Variants in DGKG observed in about 807,000 individuals in gnomAD.
DGKG encodes the protein DAG kinase gamma.
DGKG carries 78 observed loss-of-function variants against 105.3 expected under a neutral mutation model. The observed-to-expected ratio is 0.74, with a 90% CI of 0.62 to 0.89. The LOEUF (loss-of-function observed/expected upper bound fraction) is 0.89, where lower values mean the gene tolerates loss of function less well. DGKG is among the 40% of genes least tolerant of loss of function. The pLI, the probability that DGKG is intolerant of heterozygous loss-of-function variation, is 0.00. For missense variants in DGKG, 958 were observed against 1,020.1 expected (o/e 0.94, Z 0.83); for synonymous variants, 346 against 367.1 (o/e 0.94, Z 0.66).
At position 186,201,627 on chromosome 3, in the gene DGKG, C is replaced by T. The variant is rs185012753; in HGVS notation, c.1917+10168G>A. 1.4e-4 allele frequency among the ~76,000 whole-genome samples: 22 copies of T among 152,304 alleles called. 1 individual carries two copies. Among genetic ancestry groups the T allele is most frequent in the Admixed American group, 1.0e-3 (16 of 15,302 alleles). The stretch of plus-strand genomic sequence containing the variant: ...CGCAGTTAGGAGAAGGCATGAGTGC[C>T]AGCCATCTTCCCCTTTGTGTTACAA... On this transcript the variant is annotated intron_variant, in intron 21 of 24. Transcript: ENST00000265022.
At position 186,149,857 on chromosome 3, in the gene DGKG, C is replaced by T; in HGVS notation, c.*233G>A. ...GCCACAACCTCATGGGCCCTAAGTC[C>T]ATTCAAAATGTTTTGTTGGCACTGG... On this transcript the variant is annotated 3_prime_UTR_variant, in exon 25 of 25. Coordinates refer to ENST00000265022, the MANE Select transcript of DGKG (RefSeq NM_001346.3). 1 of 1,295,612 alleles carries T rather than the reference C, an allele frequency of 7.7e-7. No individual in the cohort carries two copies. Among genetic ancestry groups the T allele is most frequent in the Non-Finnish European group, 9.8e-7 (1 of 1,021,288 alleles). 80.3% of individuals were successfully genotyped at this position (1,295,612 alleles called of 1,614,324 possible).
intron 19 of DGKG, among the ~76,000 whole-genome samples, chr3:186,245,903 AAAAC>A (rs199637925): frequency 0.039 from 5,898 of 150,526 alleles, 126 homozygotes; most frequent in African/African-American, 0.046. Context: ...GTAAAAACAA[AAAAC>A]AAACAAACAA....
intron 3 of DGKG, among the ~76,000 whole-genome samples, chr3:186,306,039 T>G (rs1425555244): frequency 6.6e-6 from 1 of 152,192 alleles, no homozygotes; most frequent in African/African-American, 2.4e-5. Flanking sequence ...GGAGGATGAC[T>G]TGACCAACCG....
At position 186,203,506 on chromosome 3, in the gene DGKG, C is replaced by T. The variant is rs1465389263; in HGVS notation, c.1917+8289G>A. ...CATATTAGGAGTAGCGGAAAGAAACCGATTAGGAGGAAGCAGAAAGAAACC... is the reference window on the plus strand; with the variant it reads ...CATATTAGGAGTAGCGGAAAGAAACTGATTAGGAGGAAGCAGAAAGAAACC... On this transcript the variant is annotated intron_variant, in intron 21 of 24. Coordinates refer to ENST00000265022, the MANE Select transcript of DGKG (RefSeq NM_001346.3). This position sits in a 1 kb window ranked among gnomAD's most constrained non-coding sequence, Gnocchi z 4.9. Among the ~76,000 whole-genome samples the T allele has an allele frequency of 2.0e-5, 3 of 152,030 alleles. No individual in the cohort carries two copies. The highest frequency in any genetic ancestry group is 2.9e-5 in the Non-Finnish European group (2 of 68,024).
chr3:186,235,012 T>C (rs899064101), intron 20 of DGKG, among the ~76,000 whole-genome samples: 2 of 152,218 alleles, frequency 1.3e-5, no homozygotes, highest in Non-Finnish European at 2.9e-5. Flanking sequence ...CCTGGACTTC[T>C]GCATTTGTGT....
chr3:186,296,121 A>G (rs1378353333), intron 5 of DGKG, among the ~76,000 whole-genome samples: 1 of 152,148 alleles, frequency 6.6e-6, no homozygotes, highest in Admixed American at 6.5e-5. Context: ...ACAAAAAAAA[A>G]AAAAAGAAAA....
At chr3:186,205,766 A>C (rs1718702318) in intron 21 of DGKG, among the ~76,000 whole-genome samples, 1 of 152,162 alleles carries the variant, frequency 6.6e-6, no homozygotes, top group Non-Finnish European at 1.5e-5. Context: ...GTTGAAGTAA[A>C]TAAGACAAAA....
chr3:186,169,898 A>G (rs552566697), intron 22 of DGKG, among the ~76,000 whole-genome samples: 1 of 152,356 alleles, frequency 6.6e-6, no homozygotes, highest in African/African-American at 2.4e-5. Context: ...TGAATAGGAA[A>G]GGAGATGGAC....
intron 13 of DGKG, 164 bp downstream of exon 13, chr3:186,267,521 G>A: frequency 1.7e-6 from 1 of 596,906 alleles, no homozygotes; most frequent in South Asian, 2.0e-5. Flanking sequence ...ACCCTCCCAT[G>A]TACTCTCTAA....
intron 1 of DGKG, among the ~76,000 whole-genome samples, chr3:186,360,460 T>C (rs1242561884): frequency 6.6e-6 from 1 of 152,164 alleles, no homozygotes; most frequent in African/African-American, 2.4e-5. Context: ...GCAGCCGTTT[T>C]ATTTAAGGAG....
At chr3:186,312,966 C>A (rs749518921) in intron 2 of DGKG, among the ~76,000 whole-genome samples, 4 of 152,174 alleles carry the variant, frequency 2.6e-5, no homozygotes, top group Admixed American at 1.3e-4. Flanking sequence ...CAGCATGCAG[C>A]CCATTGCCTG....
At chr3:186,181,002 G>A (rs181741088) in intron 22 of DGKG, among the ~76,000 whole-genome samples, 11 of 152,354 alleles carry the variant, frequency 7.2e-5, no homozygotes, top group African/African-American at 2.2e-4. Context: ...TGCCTGAAGA[G>A]TGCTTGTGCC....
At chr3:186,219,203 G>A (rs1719447865) in intron 20 of DGKG, among the ~76,000 whole-genome samples, 1 of 151,472 alleles carries the variant, frequency 6.6e-6, no homozygotes, top group African/African-American at 2.4e-5. Flanking sequence ...TCTGCTCTGA[G>A]GCCAGGATGT....
At chr3:186,327,124 A>G (rs2108647082) in intron 1 of DGKG, among the ~76,000 whole-genome samples, 1 of 152,318 alleles carries the variant, frequency 6.6e-6, no homozygotes, top group South Asian at 2.1e-4. Flanking sequence ...TAATTGCACC[A>G]TTGCACTCCA....
intron 1 of DGKG, among the ~76,000 whole-genome samples, chr3:186,354,911 A>G (rs1726835429): frequency 1.3e-5 from 2 of 152,076 alleles, no homozygotes; most frequent in African/African-American, 4.8e-5. Flanking sequence ...TCTCAGGATG[A>G]AGGCTTAGAA....
chr3:186,197,654 G>T (rs186210602), intron 21 of DGKG, among the ~76,000 whole-genome samples: 47 of 152,280 alleles, frequency 3.1e-4, no homozygotes, highest in Non-Finnish European at 1.5e-4. Context: ...GTGAAGGCTG[G>T]ATGCCGTAGG....
At chr3:186,306,843 T>C in intron 3 of DGKG, 58 bp downstream of exon 3, 1 of 1,235,612 alleles carries the variant, frequency 8.1e-7, no homozygotes. Context: ...GGAAACAAAT[T>C]ATGGAAAGGC....
intron 5 of DGKG, among the ~76,000 whole-genome samples, chr3:186,290,237 G>A (rs1382767987): frequency 6.6e-6 from 1 of 152,184 alleles, no homozygotes; most frequent in South Asian, 2.1e-4. Context: ...GGTTTGGCAA[G>A]TAGAGATGAA....
chr3:186,332,946 A>G (rs1028846412), intron 1 of DGKG, among the ~76,000 whole-genome samples: 1 of 152,144 alleles, frequency 6.6e-6, no homozygotes, highest in Non-Finnish European at 1.5e-5. Context: ...CCCCCTCACC[A>G]TATGATGCCC....
Sources: gnomAD v4.1 joint callset for allele counts (sites outside exome capture counted in the v4.1 genomes callset) on GRCh38, gnomAD v4.1.1 for gene constraint, Gnocchi (gnomAD v3.1) non-coding constraint, MANE v1.5 for transcripts, NCBI Gene and HGNC (gene_info 2026-07-23, HGNC 2026-07-21) for gene names.